The following SHCBP1L variants were observed in gnomAD, a reference collection of about 807,000 sequenced individuals.
The protein encoded by SHCBP1L is SHC binding and spindle associated 1 like.
In SHCBP1L, 67 loss-of-function variants were observed where a neutral mutation model predicts 62.5. The ratio of observed to expected loss-of-function variants is 1.07; its 90% CI spans 0.88 to 1.31. SHCBP1L has a LOEUF of 1.31. Ranked by LOEUF, SHCBP1L falls within the 40% of genes most tolerant of loss-of-function variation. The pLI is 0.00. For missense variants in SHCBP1L, 823 were observed against 809.8 expected (o/e 1.02, Z -0.20); for synonymous variants, 284 against 289.4 (o/e 0.98, Z 0.19).
At chr1:182,920,698 A>T (rs1650501854) in intron 6 of SHCBP1L, among the ~76,000 whole-genome samples, 1 of 152,232 alleles carries the variant, frequency 6.6e-6, no homozygotes, top group African/African-American at 2.4e-5. Flanking sequence ...AAGATGAAAC[A>T]GTCACTTTAT....
intron 9 of SHCBP1L, among the ~76,000 whole-genome samples, chr1:182,901,600 G>T (rs891480745): frequency 1.3e-5 from 2 of 152,144 alleles, no homozygotes; most frequent in African/African-American, 4.8e-5. Context: ...GAGAAAGCAG[G>T]GGCCAGATCT....
At chr1:182,927,671 CA>C (rs1049517840) in intron 6 of SHCBP1L, among the ~76,000 whole-genome samples, 187 of 72,800 alleles carry the variant, frequency 2.6e-3, no homozygotes, top group Non-Finnish European at 2.8e-3. Context: ...GACTCCGTCT[CA>C]AAAAAAAAAA....
At chr1:182,922,978 A>G (rs766397754) in intron 6 of SHCBP1L, among the ~76,000 whole-genome samples, 14 of 152,190 alleles carry the variant, frequency 9.2e-5, no homozygotes, top group Non-Finnish European at 1.5e-4. Flanking sequence ...GAAAGAATAA[A>G]TAAGATAGAC....
rs577908089 is a variant in SHCBP1L, at chr1:182,922,676, C to A, written c.1182+6971G>T. Among the ~76,000 whole-genome samples the A allele has an allele frequency of 3.3e-5, 5 of 151,812 alleles. No individual in the cohort carries two copies. The South Asian group carries it at 1.0e-3, about 32-fold the overall frequency. Reference sequence around the variant, plus strand: ...TAAACACTGAAATTAACACAGAAATCAAAAAATCAAAAAATTATTTGAAAC... The same window carrying A: ...TAAACACTGAAATTAACACAGAAATAAAAAAATCAAAAAATTATTTGAAAC... On this transcript the variant is annotated intron_variant, in intron 6 of 9. Transcript: ENST00000367547.
intron 5 of SHCBP1L, among the ~76,000 whole-genome samples, chr1:182,931,841 G>GTA (rs1348233596): frequency 1.3e-5 from 2 of 149,428 alleles, no homozygotes; most frequent in African/African-American, 4.9e-5. Context: ...TTGGACAAAT[G>GTA]TATAATGACA....
intron 1 of SHCBP1L, among the ~76,000 whole-genome samples, chr1:182,952,229 T>C (rs1259406207): frequency 0.022 from 1,315 of 60,456 alleles, 93 homozygotes; most frequent in African/African-American, 0.12. Flanking sequence ...TATATATATA[T>C]ATATATACAC....
At chr1:182,921,020 C>T (rs1028812516) in intron 6 of SHCBP1L, among the ~76,000 whole-genome samples, 3 of 152,014 alleles carry the variant, frequency 2.0e-5, no homozygotes, top group African/African-American at 7.3e-5. Context: ...CCAGAAAAAG[C>T]AGAGTACCCC....
intron 9 of SHCBP1L, among the ~76,000 whole-genome samples, chr1:182,902,061 CT>C (rs1156301250): frequency 0.016 from 2,078 of 127,442 alleles, 15 homozygotes; most frequent in African/African-American, 0.05. Context: ...CTTTTTTTTT[CT>C]TTTTTTTTTT....
intron 9 of SHCBP1L, 117 bp downstream of exon 9, chr1:182,902,922 T>C: frequency 1.5e-6 from 1 of 675,938 alleles, no homozygotes; most frequent in Non-Finnish European, 2.2e-6. Context: ...CTTGTACTAT[T>C]CTTTTCCAAA....
At position 182,905,599 on chromosome 1, in the gene SHCBP1L, A is replaced by AGCCAAT; in HGVS notation, c.1232_1233insATTGGC (p.Asp411delinsGluLeuAla). 6.2e-7 allele frequency: 1 copy of AGCCAAT among 1,613,760 alleles called. No homozygotes were observed. The highest frequency in any genetic ancestry group is 2.2e-5 in the East Asian group (1 of 44,762). ...CACTATAACAATTATCCAAAGCCAA[A>AGCCAAT]TCCAAATCACCATGCTGTTGGAGAA... On this transcript the variant is annotated protein_altering_variant, in exon 7 of 10. Coordinates refer to ENST00000367547, the MANE Select transcript of SHCBP1L (RefSeq NM_030933.4).
At chr1:182,921,776 A>G (rs906761454) in intron 6 of SHCBP1L, among the ~76,000 whole-genome samples, 1 of 152,110 alleles carries the variant, frequency 6.6e-6, no homozygotes, top group Admixed American at 6.5e-5. Context: ...CGCGGTGGCA[A>G]CGTGCCTGTG....
intron 6 of SHCBP1L, among the ~76,000 whole-genome samples, chr1:182,927,637 A>G (rs997966313): frequency 4.9e-5 from 7 of 142,054 alleles, no homozygotes; most frequent in Admixed American, 1.5e-4. Context: ...ACGCCACTGC[A>G]CTCCAGCCTG....
chr1:182,943,209 T>C (rs1651429701), intron 2 of SHCBP1L, among the ~76,000 whole-genome samples: 1 of 151,396 alleles, frequency 6.6e-6, no homozygotes, highest in African/African-American at 2.4e-5. Context: ...CTCGAACTCC[T>C]GGGCTCAAAC....
At position 182,900,085 on chromosome 1, in the gene SHCBP1L, A is replaced by G; in HGVS notation, c.1860T>C (p.Asp620=). ...GCATTACTTTGAAGAGCATTTTATC[A>G]TCTTTTTTATCTCCTGAAGAAGCCC... ...NKRASSGDKK[D]DKMLFKVMQN... The change falls in exon 10 of 10, where the codon GAT becomes GAC. Residue 620 remains aspartate, a synonymous_variant. Transcript: ENST00000367547. 6.2e-7 allele frequency: 1 copy of G among 1,612,754 alleles called. No individual in the cohort carries two copies. The highest frequency in any genetic ancestry group is 8.5e-7 in the Non-Finnish European group (1 of 1,179,282).
At chr1:182,903,544 C>A (rs975922796) in intron 8 of SHCBP1L, among the ~76,000 whole-genome samples, 1 of 152,062 alleles carries the variant, frequency 6.6e-6, no homozygotes, top group South Asian at 2.1e-4. Flanking sequence ...TTTAAAAATT[C>A]TTTAAAAAGA....
intron 7 of SHCBP1L, 104 bp from the exon 8 acceptor site, chr1:182,904,534 C>CGTGCGTGT (rs1380568112): frequency 3.3e-6 from 2 of 599,690 alleles, no homozygotes; most frequent in South Asian, 2.1e-5. Context: ...TCCCTGTGTG[C>CGTGCGTGT]GTGTGTGTGT....
chr1:182,900,977 A>G (rs1295731797), intron 9 of SHCBP1L, among the ~76,000 whole-genome samples: 4 of 152,240 alleles, frequency 2.6e-5, no homozygotes, highest in Admixed American at 2.6e-4. Flanking sequence ...AATACAACCC[A>G]TGAAGCTGAT....
intron 5 of SHCBP1L, among the ~76,000 whole-genome samples, chr1:182,930,880 C>G (rs563783787): frequency 3.5e-5 from 5 of 142,936 alleles, no homozygotes; most frequent in Non-Finnish European, 7.6e-5. Flanking sequence ...CATGTGCCAC[C>G]TTGCCTGGCT....
chr1:182,917,363 A>G (rs1234821506), intron 6 of SHCBP1L, among the ~76,000 whole-genome samples: 1 of 152,190 alleles, frequency 6.6e-6, no homozygotes, highest in Non-Finnish European at 1.5e-5. Context: ...GGGAAAAATA[A>G]ATTACACAAT....
Sources: gnomAD v4.1 joint callset for allele counts (sites outside exome capture counted in the v4.1 genomes callset) on GRCh38, gnomAD v4.1.1 for gene constraint, MANE v1.5 for transcripts, NCBI Gene and HGNC (gene_info 2026-07-23, HGNC 2026-07-21) for gene names.